The following MYO5A variants were observed in gnomAD, a reference collection of about 807,000 sequenced individuals.
MYO5A encodes myosin VA, also known as unconventional myosin-Va.
MYO5A carries 98 observed loss-of-function variants against 249.7 expected under a neutral mutation model. That is an observed-to-expected ratio of 0.39 (90% CI 0.33 to 0.46). The LOEUF (loss-of-function observed/expected upper bound fraction) is 0.46, where lower values mean the gene tolerates loss of function less well. Among genes scored for constraint, MYO5A ranks in the 20% least tolerant of loss-of-function variants. MYO5A has a pLI of 0.98. For missense variants in MYO5A, 1,696 were observed against 2,308.8 expected (o/e 0.73, Z 5.44); for synonymous variants, 778 against 810.6 (o/e 0.96, Z 0.68).
intron 4 of MYO5A, among the ~76,000 whole-genome samples, chr15:52,425,025 A>G (rs2075363944): frequency 6.6e-6 from 1 of 152,198 alleles, no homozygotes; most frequent in Non-Finnish European, 1.5e-5. Context: ...GAGGCTGAAG[A>G]AGGAGGATCA....
intron 1 of MYO5A, among the ~76,000 whole-genome samples, chr15:52,489,561 T>TAAAAAAAAAAAA (rs757979547): frequency 1.0e-5 from 1 of 99,196 alleles, no homozygotes; most frequent in Non-Finnish European, 2.1e-5. Context: ...AGACTTTGTC[T>TAAAAAAAAAAAA]AAAAAAAAAA....
intron 1 of MYO5A, among the ~76,000 whole-genome samples, chr15:52,472,312 C>T (rs1351280531): frequency 6.6e-6 from 1 of 152,170 alleles, no homozygotes; most frequent in Admixed American, 6.5e-5. Flanking sequence ...ATCGCCTGAC[C>T]TCGTGATCGG....
intron 1 of MYO5A, among the ~76,000 whole-genome samples, chr15:52,492,633 C>T (rs576091973): frequency 1.6e-4 from 25 of 152,330 alleles, no homozygotes; most frequent in Non-Finnish European, 3.2e-4. Flanking sequence ...CCCAGATGCT[C>T]GCCAAGGGCC....
intron 1 of MYO5A, among the ~76,000 whole-genome samples, chr15:52,503,274 G>A (rs1427429369): frequency 6.6e-6 from 1 of 152,146 alleles, no homozygotes; most frequent in African/African-American, 2.4e-5. Flanking sequence ...TTATATCAAT[G>A]TATTAAATTA....
chr15:52,353,578 A>T (rs777665252), intron 27 of MYO5A, 27 bp downstream of exon 27: 1 of 1,606,820 alleles, frequency 6.2e-7, no homozygotes, highest in East Asian at 2.2e-5. Flanking sequence ...AAAATATTCA[A>T]AGTCTTGAGC....
chr15:52,471,572 C>G (rs2076470282), intron 1 of MYO5A, among the ~76,000 whole-genome samples: 2 of 147,574 alleles, frequency 1.4e-5, no homozygotes, highest in South Asian at 4.3e-4. Flanking sequence ...CTGGGCAACA[C>G]AGCCAGATTC....
chr15:52,449,311 A>G (rs1048666226), intron 1 of MYO5A, among the ~76,000 whole-genome samples: 2 of 152,180 alleles, frequency 1.3e-5, no homozygotes, highest in Non-Finnish European at 2.9e-5. Context: ...ACTGTAATAC[A>G]GAATGTTACA....
intron 22 of MYO5A, among the ~76,000 whole-genome samples, chr15:52,367,799 G>A (rs1408384729): frequency 2.0e-5 from 3 of 151,004 alleles, no homozygotes; most frequent in Admixed American, 1.3e-4. Flanking sequence ...CAATGTCAAT[G>A]TACTTAATGC....
At chr15:52,357,093 T>C (rs893889994) in intron 25 of MYO5A, among the ~76,000 whole-genome samples, 10 of 152,192 alleles carry the variant, frequency 6.6e-5, no homozygotes, top group East Asian at 3.9e-4. Context: ...TATAACATCT[T>C]GCCTCAACAC....
chr15:52,340,282 G>A lies in MYO5A; in HGVS notation c.4153C>T (p.Leu1385=), dbSNP rs2039317091. The A allele has an allele frequency of 6.2e-7, 1 of 1,614,080 alleles. No individual in the cohort carries two copies. Among genetic ancestry groups the A allele is most frequent in the South Asian group, 1.1e-5 (1 of 91,082 alleles). Residue 1385 remains leucine, a synonymous_variant, in exon 32 of 42, where the codon CTG becomes TTG. Transcript: ENST00000399233. ...KEENNRQQQL[L]AQNLQLPPEA... The stretch of plus-strand genomic sequence containing the variant: ...GGGGGCAGCTGCAGGTTCTGGGCCA[G>A]CAGCTGCTGCTGTCGGTTGTTCTCC...
At chr15:52,341,736 G>C (rs1175989913) in intron 31 of MYO5A, among the ~76,000 whole-genome samples, 1 of 9,460 alleles carries the variant, frequency 1.1e-4, no homozygotes, top group Non-Finnish European at 4.4e-4. Context: ...AAGCGTTAAT[G>C]ATGAGAACAA....
chr15:52,321,000 G>A (rs1284489954), intron 38 of MYO5A, among the ~76,000 whole-genome samples: 2 of 149,042 alleles, frequency 1.3e-5, no homozygotes, highest in Admixed American at 6.7e-5. Flanking sequence ...GCGACAGAGC[G>A]AGACTCTGTC....
chr15:52,427,484 A>T (rs1383067833), intron 3 of MYO5A, among the ~76,000 whole-genome samples: 1 of 152,210 alleles, frequency 6.6e-6, no homozygotes, highest in Non-Finnish European at 1.5e-5. Context: ...TGGCTAGACA[A>T]GACTTCACTG....
chr15:52,389,229 C>G lies in MYO5A; in HGVS notation c.1668+9G>C. 1 of 1,612,012 alleles carries G rather than the reference C, an allele frequency of 6.2e-7. No individual in the cohort carries two copies. Among genetic ancestry groups the G allele is most frequent in the Non-Finnish European group, 8.5e-7 (1 of 1,178,550 alleles). On this transcript the variant is annotated intron_variant, in intron 13 of 41. Coordinates refer to ENST00000399233, the MANE Select transcript of MYO5A (RefSeq NM_001382347.1). ...TTCAAAAAGAAAAACTGATATAAAG[C>G]TTCCTTACTTTGTCAGCAAAATGTT... is the stretch of plus-strand genomic sequence containing the variant.
intron 1 of MYO5A, among the ~76,000 whole-genome samples, chr15:52,453,615 T>A (rs1240666104): frequency 6.6e-6 from 1 of 152,048 alleles, no homozygotes; most frequent in Non-Finnish European, 1.5e-5. Context: ...GATAAATCTA[T>A]CAAAAAGAAA....
chr15:52,471,843 T>C (rs1366478668), intron 1 of MYO5A, among the ~76,000 whole-genome samples: 1 of 151,908 alleles, frequency 6.6e-6, no homozygotes, highest in Non-Finnish European at 1.5e-5. Flanking sequence ...GAACTACAAG[T>C]ACACACCACC....
intron 34 of MYO5A, among the ~76,000 whole-genome samples, chr15:52,332,870 C>G (rs1596303881): frequency 6.6e-6 from 1 of 152,160 alleles, no homozygotes; most frequent in African/African-American, 2.4e-5. Flanking sequence ...GAGGCTGAGG[C>G]AGGAGAATCG....
At chr15:52,397,563 AT>A in intron 9 of MYO5A, 97 bp from the exon 10 acceptor site, 1 of 1,422,338 alleles carries the variant, frequency 7.0e-7, no homozygotes, top group Non-Finnish European at 9.9e-7. Context: ...AAATTCAGCA[AT>A]TTCTTTGTTA....
At chr15:52,370,124 C>T in intron 22 of MYO5A, 45 bp downstream of exon 22, 1 of 1,612,326 alleles carries the variant, frequency 6.2e-7, no homozygotes, top group Non-Finnish European at 8.5e-7. Flanking sequence ...GACAGCACCT[C>T]TCTTTTGTGT....
Sources: allele counts gnomAD v4.1 joint callset (sites outside exome capture counted in the v4.1 genomes callset), GRCh38; gene constraint gnomAD v4.1.1; transcripts MANE v1.5; gene names NCBI Gene and HGNC (gene_info 2026-07-23, HGNC 2026-07-21).